SHLD1: variants seen among roughly 807,000 people sequenced by gnomAD.
SHLD1 encodes the protein RINN1-REV7-interacting novel NHEJ regulator 3.
A neutral mutation model predicts 5.5 loss-of-function variants in SHLD1; 3 were observed. The observed-to-expected ratio is 0.54, with a 90% CI of 0.25 to 1.40. The LOEUF (loss-of-function observed/expected upper bound fraction) is 1.40. Ranked by LOEUF, SHLD1 falls within the 40% of genes most tolerant of loss-of-function variation. The pLI is 0.15. For synonymous variants in SHLD1, 92 were observed against 94.3 expected (o/e 0.98, Z 0.14); for missense variants, 210 against 244.4 (o/e 0.86, Z 0.94).
At chr20:5,839,491 A>AGAT (rs2087830401) in intron 2 of SHLD1, among the ~76,000 whole-genome samples, 1 of 94,246 alleles carries the variant, frequency 1.1e-5, no homozygotes, top group African/African-American at 4.9e-5. Context: ...ATAGAAAGAT[A>AGAT]GATAGATAGA....
chr20:5,793,815 C>A (rs1443612262), intron 2 of SHLD1, among the ~76,000 whole-genome samples: 4 of 152,036 alleles, frequency 2.6e-5, no homozygotes, highest in Non-Finnish European at 5.9e-5. Flanking sequence ...TCAAGTGATT[C>A]TCCTGCCTCA....
intron 2 of SHLD1, among the ~76,000 whole-genome samples, chr20:5,835,539 G>A (rs1023205061): frequency 1.3e-5 from 2 of 152,228 alleles, no homozygotes; most frequent in South Asian, 2.1e-4. Context: ...CTAGGGGAGG[G>A]GATGGGCACA....
intron 2 of SHLD1, among the ~76,000 whole-genome samples, chr20:5,781,738 C>T (rs528220191): frequency 1.3e-5 from 2 of 152,262 alleles, no homozygotes; most frequent in East Asian, 3.9e-4. Flanking sequence ...CTTGGCCTCC[C>T]GAAGTGTTCG....
intron 2 of SHLD1, among the ~76,000 whole-genome samples, chr20:5,815,196 A>G (rs1294701): frequency 0.21 from 32,461 of 151,746 alleles, 4,024 homozygotes; most frequent in Non-Finnish European, 0.27. Flanking sequence ...TTGTCTGCAC[A>G]TCGGCATCAA....
intron 2 of SHLD1, among the ~76,000 whole-genome samples, chr20:5,841,308 T>C (rs905127345): frequency 2.0e-5 from 3 of 152,194 alleles, no homozygotes; most frequent in African/African-American, 7.2e-5. Context: ...TTTATATATG[T>C]GGGTGTATAC....
intron 2 of SHLD1, among the ~76,000 whole-genome samples, chr20:5,805,072 T>C (rs1043357688): frequency 6.6e-5 from 10 of 152,240 alleles, no homozygotes; most frequent in African/African-American, 2.4e-4. Flanking sequence ...TGTGCCTTCA[T>C]GCTCAACTCT....
At chr20:5,858,443 T>C (rs1313719638) in intron 2 of SHLD1, among the ~76,000 whole-genome samples, 1 of 152,194 alleles carries the variant, frequency 6.6e-6, no homozygotes, top group African/African-American at 2.4e-5. Context: ...AACACAACTA[T>C]TAATCTCAAG....
intron 1 of SHLD1, among the ~76,000 whole-genome samples, chr20:5,754,018 C>G (rs1195815922): frequency 2.0e-5 from 3 of 152,092 alleles, no homozygotes; most frequent in African/African-American, 7.2e-5. Context: ...CAAACGACGC[C>G]GCTTCAGAAG....
intron 2 of SHLD1, among the ~76,000 whole-genome samples, chr20:5,826,764 C>T (rs569323752): frequency 6.6e-6 from 1 of 152,338 alleles, no homozygotes; most frequent in South Asian, 2.1e-4. Flanking sequence ...TCAGTTTCCT[C>T]ATCTGTTAAA....
At chr20:5,839,019 G>A (rs531457363) in intron 2 of SHLD1, among the ~76,000 whole-genome samples, 1 of 152,296 alleles carries the variant, frequency 6.6e-6, no homozygotes, top group Non-Finnish European at 1.5e-5. Context: ...CCTACACCAT[G>A]GAGATAGATT....
intron 2 of SHLD1, among the ~76,000 whole-genome samples, chr20:5,825,066 T>C (rs927196400): frequency 6.6e-6 from 1 of 152,254 alleles, no homozygotes; most frequent in African/African-American, 2.4e-5. Context: ...TCAGCCTTTG[T>C]TGGTTTCTAT....
intron 2 of SHLD1, among the ~76,000 whole-genome samples, chr20:5,861,345 T>C (rs917223753): frequency 1.3e-5 from 2 of 152,252 alleles, no homozygotes; most frequent in Non-Finnish European, 1.5e-5. Context: ...TATATTTCAG[T>C]TGTTTAATGT....
intron 2 of SHLD1, among the ~76,000 whole-genome samples, chr20:5,783,097 A>C (rs909828904): frequency 6.6e-6 from 1 of 152,228 alleles, no homozygotes; most frequent in Non-Finnish European, 1.5e-5. Flanking sequence ...TTCTCTGAGA[A>C]ATAACTGAGG....
At chr20:5,798,637 A>T (rs1258282719) in intron 2 of SHLD1, among the ~76,000 whole-genome samples, 1 of 101,080 alleles carries the variant, frequency 9.9e-6, no homozygotes, top group Admixed American at 1.2e-4. Context: ...TTTTTTTTTG[A>T]GACGGAGTCT....
intron 2 of SHLD1, among the ~76,000 whole-genome samples, chr20:5,832,259 A>G (rs745497044): frequency 1.2e-4 from 18 of 152,352 alleles, no homozygotes; most frequent in Non-Finnish European, 2.5e-4. Flanking sequence ...TTTCTAGAGA[A>G]TAATGGAAGT....
intron 2 of SHLD1, among the ~76,000 whole-genome samples, chr20:5,834,361 A>T (rs1455577673): frequency 6.6e-6 from 1 of 152,208 alleles, no homozygotes; most frequent in African/African-American, 2.4e-5. Flanking sequence ...ATGCAGAAGA[A>T]CTTAGGAAAG....
intron 1 of SHLD1, among the ~76,000 whole-genome samples, chr20:5,760,343 G>A (rs1427961370): frequency 6.6e-6 from 1 of 151,898 alleles, no homozygotes; most frequent in Non-Finnish European, 1.5e-5. Context: ...TGTTTGATAG[G>A]GGAGTTTAGG....
At chr20:5,814,654 C>CTTTTTTT (rs148119460) in intron 2 of SHLD1, among the ~76,000 whole-genome samples, 224 of 103,674 alleles carry the variant, frequency 2.2e-3, no homozygotes, top group Middle Eastern at 6.3e-3. Flanking sequence ...TTTTCTTCTT[C>CTTTTTTT]TTTTTTTTTT....
intron 2 of SHLD1, among the ~76,000 whole-genome samples, chr20:5,784,824 T>C (rs2087038420): frequency 1.3e-5 from 2 of 152,320 alleles, no homozygotes; most frequent in Non-Finnish European, 1.5e-5. Context: ...CTCTTAAGTT[T>C]CAAGGGCACG....
Sources: gnomAD v4.1 joint callset for allele counts (sites outside exome capture counted in the v4.1 genomes callset) on GRCh38, gnomAD v4.1.1 for gene constraint, MANE v1.5 for transcripts, NCBI Gene and HGNC (gene_info 2026-07-23, HGNC 2026-07-21) for gene names.